The following H2AZ2 variants were observed in gnomAD, a reference collection of about 807,000 sequenced individuals.
H2AZ2 encodes the protein H2A.Z variant histone 2.
A neutral mutation model predicts 15.5 loss-of-function variants in H2AZ2; 5 were observed. The ratio of observed to expected loss-of-function variants is 0.32; its 90% CI spans 0.17 to 0.68. The LOEUF (loss-of-function observed/expected upper bound fraction) is 0.68. Among genes scored for constraint, H2AZ2 ranks in the 30% least tolerant of loss-of-function variants. The pLI is 0.72. For synonymous variants in H2AZ2, 44 were observed against 57.4 expected (o/e 0.77, Z 1.05); for missense variants, 42 against 162.5 (o/e 0.26, Z 4.03).
chr7:44,844,502 C>T (rs550321713), intron 1 of H2AZ2, among the ~76,000 whole-genome samples: 9 of 152,222 alleles, frequency 5.9e-5, no homozygotes, highest in East Asian at 1.9e-4. Context: ...TATAGGTGCG[C>T]GCCACCATGC....
At chr7:44,840,279 T>G (rs1011690763) in intron 3 of H2AZ2, among the ~76,000 whole-genome samples, 1 of 152,142 alleles carries the variant, frequency 6.6e-6, no homozygotes, top group Non-Finnish European at 1.5e-5. Flanking sequence ...GATAGGGTCT[T>G]GCTCTGTCAC....
Position 44,843,298 on chromosome 7 carries a change from G to A in H2AZ2, c.60C>T (p.Arg20=). Residue 20 remains arginine (R), a synonymous_variant, in exon 2 of 5, where the codon CGC becomes CGT. Coordinates refer to ENST00000308153, the MANE Select transcript of H2AZ2 (RefSeq NM_012412.5). ...TTACCTGTAGCCCAGCTCTCTGTGA[G>A]CGAGATACTGCCTTAGCCTTGGCCT... ...SGKAKAKAVS[R]SQRAGLQFPV... 6.2e-7 allele frequency: 1 copy of A among 1,611,366 alleles called. No individual in the cohort carries two copies. Among genetic ancestry groups the A allele is most frequent in the Non-Finnish European group, 8.5e-7 (1 of 1,178,860 alleles).
chr7:44,838,263 G>A (rs1209839363), intron 3 of H2AZ2, among the ~76,000 whole-genome samples: 1 of 151,842 alleles, frequency 6.6e-6, no homozygotes, highest in African/African-American at 2.4e-5. Context: ...GTAAGCCACC[G>A]TGCCCAGCCG....
intron 1 of H2AZ2, among the ~76,000 whole-genome samples, chr7:44,844,177 T>G (rs1793344113): frequency 6.6e-6 from 1 of 152,186 alleles, no homozygotes; most frequent in African/African-American, 2.4e-5. Flanking sequence ...CACAGAAGCA[T>G]TATTCAGAAT....
intron 1 of H2AZ2, among the ~76,000 whole-genome samples, chr7:44,846,056 C>CAGAGAGAGAG (rs1172162419): frequency 1.1e-4 from 10 of 91,822 alleles, no homozygotes; most frequent in South Asian, 3.1e-4. Context: ...CACACACACA[C>CAGAGAGAGAG]ACACACAGAG....
chr7:44,841,869 C>T (rs1370355551), intron 2 of H2AZ2, among the ~76,000 whole-genome samples: 1 of 152,182 alleles, frequency 6.6e-6, no homozygotes, highest in East Asian at 1.9e-4. Flanking sequence ...CTTCTACAGA[C>T]TTTACTGAAA....
chr7:44,846,613 A>AAAAAAACCAC (rs751317779), intron 1 of H2AZ2, among the ~76,000 whole-genome samples: 1 of 150,822 alleles, frequency 6.6e-6, no homozygotes, highest in African/African-American at 2.4e-5. Context: ...CGTCTCAAAA[A>AAAAAAACCAC]AAAAAACCAC....
In H2AZ2 at chr7:44,832,860, G is replaced by A. The variant is rs1195183236; in HGVS notation, c.*1641C>T. Among the ~76,000 whole-genome samples, 1 of 152,102 alleles carries A rather than the reference G, an allele frequency of 6.6e-6. No individual in the cohort carries two copies. The highest frequency in any genetic ancestry group is 2.4e-5 in the African/African-American group (1 of 41,420). On this transcript the variant is annotated 3_prime_UTR_variant, in exon 5 of 5. Transcript: ENST00000308153. The stretch of plus-strand genomic sequence containing the variant: ...AGCTATTTGCAGGGCTGAGGTAAGA[G>A]GATTGCTTGGGCCTGAGAGGTGGAG...
chr7:44,832,108 T>C lies in H2AZ2; in HGVS notation c.*2393A>G, dbSNP rs187407048. Among the ~76,000 whole-genome samples the C allele has an allele frequency of 6.6e-6, 1 of 152,134 alleles. No homozygotes were observed. Among genetic ancestry groups the C allele is most frequent in the Admixed American group, 6.5e-5 (1 of 15,268 alleles). The stretch of plus-strand genomic sequence containing the variant: ...CAAACAACTTAGTTTCTTCAAAAAT[T>C]AAAAACAGGAAAGTTAAATCTATAG... On this transcript the variant is annotated 3_prime_UTR_variant, in exon 5 of 5. Coordinates refer to ENST00000308153, the MANE Select transcript of H2AZ2 (RefSeq NM_012412.5).
At chr7:44,837,111 A>C (rs1209205786) in intron 3 of H2AZ2, among the ~76,000 whole-genome samples, 1 of 152,026 alleles carries the variant, frequency 6.6e-6, no homozygotes, top group African/African-American at 2.4e-5. Flanking sequence ...GTCTCAAAAA[A>C]AATAAAAAAA....
At position 44,844,635 on chromosome 7, in the gene H2AZ2, T is replaced by C. The variant is rs1793354638; in HGVS notation, c.4-1281A>G. Among the ~76,000 whole-genome samples the C allele has an allele frequency of 2.6e-5, 4 of 152,218 alleles. No individual in the cohort carries two copies. The South Asian group carries it at 8.3e-4, about 32-fold the overall frequency. On this transcript the variant is annotated intron_variant, in intron 1 of 4. Transcript: ENST00000308153. ...TCCCAAAGTACTGGGATTACAGGCG[T>C]GAGCCACTGCGCCTGGCCGAGTTAT...
intron 3 of H2AZ2, among the ~76,000 whole-genome samples, chr7:44,838,818 C>T (rs1254493784): frequency 6.6e-6 from 1 of 152,186 alleles, no homozygotes; most frequent in East Asian, 1.9e-4. Flanking sequence ...AACTGACATA[C>T]AGATTAAAAG....
At position 44,847,964 on chromosome 7, in the gene H2AZ2, C is replaced by T; in HGVS notation, c.3+5G>A. On this transcript the variant is annotated splice_donor_5th_base_variant and intron_variant, in intron 1 of 4. Transcript: ENST00000308153. Reference sequence around the variant, plus strand: ...CGTGCCCCCGGCCCACCCGGCCGCCCTTACCATGTTCTCGGCGCCGACTCC... The same window carrying T: ...CGTGCCCCCGGCCCACCCGGCCGCCTTTACCATGTTCTCGGCGCCGACTCC... 1 of 1,486,698 alleles carries T rather than the reference C, an allele frequency of 6.7e-7. No individual in the cohort carries two copies. The allele number at this position is 1,486,698 out of a possible 1,614,324, so 92.1% of individuals were successfully genotyped here. A position where few individuals can be genotyped will look rare whatever the true frequency, so the allele number is the denominator to read the frequency against.
At chr7:44,829,920 T>A (rs980218012), downstream of H2AZ2, 32 of 458,320 alleles carry the variant, frequency 7.0e-5, no homozygotes, top group Admixed American at 2.0e-4. Flanking sequence ...TTCAGAAAAT[T>A]ACTCATGCAA....
chr7:44,830,189 G>A (rs1792980695), downstream of H2AZ2: 6 of 1,611,290 alleles, frequency 3.7e-6, no homozygotes, highest in Non-Finnish European at 5.1e-6. Context: ...AGGACAAATA[G>A]AGAATAAAAA....
At chr7:44,829,998 T>A (rs1043078324), downstream of H2AZ2, 6 of 635,514 alleles carry the variant, frequency 9.4e-6, no homozygotes, top group Non-Finnish European at 1.6e-5. Context: ...TTGCTTAAAA[T>A]TGAATTCACG....
rs560936387 is a variant in H2AZ2, at chr7:44,833,469, T to G, written c.*1032A>C. The stretch of plus-strand genomic sequence containing the variant: ...CCAGGATGGTCTCGATTTCCTGACC[T>G]CGTGATTCACCCACCTTGGCCTCCC... On this transcript the variant is annotated 3_prime_UTR_variant, in exon 5 of 5. Transcript: ENST00000308153. 3 of 152,636 alleles carry G rather than the reference T, an allele frequency of 2.0e-5. No individual in the cohort carries two copies. The highest frequency in any genetic ancestry group is 7.2e-5 in the African/African-American group (3 of 41,556). 9.5% of individuals were successfully genotyped at this position (152,636 alleles called of 1,614,324 possible).
intron 3 of H2AZ2, among the ~76,000 whole-genome samples, chr7:44,838,857 C>T (rs903003724): frequency 3.3e-5 from 5 of 152,218 alleles, no homozygotes; most frequent in African/African-American, 1.2e-4. Context: ...CTCCCAATCA[C>T]ATCTCCCCAA....
In H2AZ2 at chr7:44,832,800, A is replaced by G. The variant is rs1793023382; in HGVS notation, c.*1701T>C. On this transcript the variant is annotated 3_prime_UTR_variant, in exon 5 of 5. Transcript: ENST00000308153. ...TCTGTCTCTTACATAAATAAAAAAA[A>G]TTAGCCAGGTATGGTGGCATGTGCC... Among the ~76,000 whole-genome samples the G allele has an allele frequency of 6.6e-6, 1 of 152,054 alleles. No homozygotes were observed. The highest frequency in any genetic ancestry group is 1.5e-5 in the Non-Finnish European group (1 of 68,004).
Sources: gnomAD v4.1 joint callset for allele counts (sites outside exome capture counted in the v4.1 genomes callset) on GRCh38, gnomAD v4.1.1 for gene constraint, MANE v1.5 for transcripts, NCBI Gene and HGNC (gene_info 2026-07-23, HGNC 2026-07-21) for gene names.